Variants in CADPS2 observed in about 807,000 individuals in gnomAD.
The protein encoded by CADPS2 is calcium-dependent secretion activator 2.
In CADPS2, 93 loss-of-function variants were observed where a neutral mutation model predicts 172.5. That is an observed-to-expected ratio of 0.54 (90% confidence interval 0.46 to 0.64). The LOEUF (loss-of-function observed/expected upper bound fraction) is 0.64, where lower values mean the gene tolerates loss of function less well. Ranked by LOEUF, CADPS2 falls within the 30% of genes least tolerant of loss-of-function variation. The probability of loss-of-function intolerance (pLI) is 0.00; values close to 1 mark genes in which losing one functional copy is unlikely to be tolerated. For missense variants in CADPS2, 1,420 were observed against 1,565.9 expected (o/e 0.91, Z 1.57); for synonymous variants, 546 against 555.2 (o/e 0.98, Z 0.23).
chr7:122,775,610 G>T (rs939821380), intron 1 of CADPS2, among the ~76,000 whole-genome samples: 3 of 152,114 alleles, frequency 2.0e-5, no homozygotes, highest in East Asian at 3.9e-4. Flanking sequence ...TGTACTTGTG[G>T]TTACCTTTAA....
intron 3 of CADPS2, among the ~76,000 whole-genome samples, chr7:122,656,586 A>G (rs1376542485): frequency 6.6e-6 from 1 of 152,134 alleles, no homozygotes; most frequent in African/African-American, 2.4e-5. Flanking sequence ...TAAAAGACTG[A>G]GATTTAATCA....
At chr7:122,702,464 T>G in intron 2 of CADPS2, 1 of 1,613,782 alleles carries the variant, frequency 6.2e-7, no homozygotes, top group South Asian at 1.1e-5. Context: ...GTCTGCCTGT[T>G]TGGGCCTGCT....
At position 122,469,989 on chromosome 7, in the gene CADPS2, A is replaced by G. The variant is rs1195851892; in HGVS notation, c.2186+1386T>C. On this transcript the variant is annotated intron_variant, in intron 14 of 29. Coordinates refer to ENST00000449022, the MANE Select transcript of CADPS2 (RefSeq NM_017954.11). ...ACTTTTTAAAACTGGAAAAAAGAAAAACATGGAGAATAAACAGATTTTTTG... is the reference window on the plus strand; with the variant it reads ...ACTTTTTAAAACTGGAAAAAAGAAAGACATGGAGAATAAACAGATTTTTTG... Among the ~76,000 whole-genome samples the G allele has an allele frequency of 2.0e-5, 3 of 152,316 alleles. No homozygotes were observed. In the East Asian group the frequency reaches 5.8e-4, roughly 29 times the overall value.
At chr7:122,363,788 T>C (rs961128000) in intron 25 of CADPS2, among the ~76,000 whole-genome samples, 1 of 152,146 alleles carries the variant, frequency 6.6e-6, no homozygotes, top group Non-Finnish European at 1.5e-5. Flanking sequence ...AAAATCACTA[T>C]CTGTGTCTAA....
At chr7:122,356,545 C>A (rs2039431781) in intron 27 of CADPS2, among the ~76,000 whole-genome samples, 1 of 152,104 alleles carries the variant, frequency 6.6e-6, no homozygotes, top group Admixed American at 6.6e-5. Flanking sequence ...ATGTACATCC[C>A]ACACTTAAGG....
At chr7:122,790,404 A>AT (rs1795045613) in intron 1 of CADPS2, among the ~76,000 whole-genome samples, 1 of 151,636 alleles carries the variant, frequency 6.6e-6, no homozygotes, top group African/African-American at 2.4e-5. Context: ...TTCTAAAAAA[A>AT]AAAAAAAAAA....
intron 3 of CADPS2, among the ~76,000 whole-genome samples, chr7:122,636,457 G>A (rs1418662217): frequency 7.9e-6 from 1 of 126,988 alleles, no homozygotes; most frequent in African/African-American, 2.9e-5. Context: ...GTTTCCACAA[G>A]AGATGTTTTT....
chr7:122,388,219 A>G (rs2043923540), intron 23 of CADPS2, among the ~76,000 whole-genome samples: 1 of 152,056 alleles, frequency 6.6e-6, no homozygotes, highest in Non-Finnish European at 1.5e-5. Context: ...CAGCACACAG[A>G]CACAGTACAT....
At chr7:122,766,918 G>A (rs533305735) in intron 1 of CADPS2, among the ~76,000 whole-genome samples, 10 of 152,002 alleles carry the variant, frequency 6.6e-5, no homozygotes, top group Non-Finnish European at 1.5e-5. Context: ...ATATGAGGTA[G>A]GAATAACAAT....
At chr7:122,789,305 A>G (rs960852397) in intron 1 of CADPS2, among the ~76,000 whole-genome samples, 1 of 152,166 alleles carries the variant, frequency 6.6e-6, no homozygotes, top group African/African-American at 2.4e-5. Context: ...CTGCCTTCCT[A>G]TCCTATCTCC....
intron 15 of CADPS2, among the ~76,000 whole-genome samples, chr7:122,443,798 A>G (rs2051728766): frequency 6.6e-6 from 1 of 151,102 alleles, no homozygotes; most frequent in South Asian, 2.1e-4. Flanking sequence ...TTGTACATTA[A>G]TATTTTTACT....
intron 3 of CADPS2, among the ~76,000 whole-genome samples, chr7:122,636,460 ATG>A (rs773868640): frequency 1.9e-4 from 21 of 108,158 alleles, no homozygotes; most frequent in African/African-American, 1.0e-4. Context: ...TCCACAAGAG[ATG>A]TTTTTTTTTT....
intron 1 of CADPS2, among the ~76,000 whole-genome samples, chr7:122,859,760 T>C (rs879288777): frequency 2.0e-5 from 3 of 152,122 alleles, no homozygotes; most frequent in Non-Finnish European, 2.9e-5. Flanking sequence ...CTTCTCCAGG[T>C]TACTTATAAT....
intron 1 of CADPS2, among the ~76,000 whole-genome samples, chr7:122,841,154 A>G (rs1810371083): frequency 6.6e-6 from 1 of 152,334 alleles, no homozygotes; most frequent in Non-Finnish European, 1.5e-5. Context: ...ATTTCTTGGA[A>G]TATTAGTCAA....
chr7:122,441,340 T>C (rs568617619), intron 16 of CADPS2, among the ~76,000 whole-genome samples, 172 bp downstream of exon 16: 9 of 152,186 alleles, frequency 5.9e-5, no homozygotes, highest in African/African-American at 2.2e-4. Flanking sequence ...TCAGGGAGAA[T>C]GAAGTGCTGT....
chr7:122,648,638 G>A (rs892869140), intron 3 of CADPS2, among the ~76,000 whole-genome samples: 1 of 152,092 alleles, frequency 6.6e-6, no homozygotes, highest in Admixed American at 6.6e-5. Flanking sequence ...GGTAAACACT[G>A]ACAATCCCTA....
At chr7:122,722,827 C>A (rs554515967) in intron 2 of CADPS2, among the ~76,000 whole-genome samples, 4 of 151,672 alleles carry the variant, frequency 2.6e-5, no homozygotes, top group African/African-American at 9.7e-5. Context: ...GGTACCAAAA[C>A]AGAGATATAG....
intron 6 of CADPS2, among the ~76,000 whole-genome samples, chr7:122,588,639 TTGA>T (rs1563787976): frequency 6.6e-6 from 1 of 151,984 alleles, no homozygotes; most frequent in Non-Finnish European, 1.5e-5. Context: ...TTTGGTAGCA[TTGA>T]TTCTGATATT....
intron 6 of CADPS2, among the ~76,000 whole-genome samples, chr7:122,592,587 C>A (rs1057004227): frequency 1.3e-5 from 2 of 152,016 alleles, no homozygotes; most frequent in Admixed American, 6.6e-5. Flanking sequence ...TGGAACCAAC[C>A]CAAATGTCCA....
Sources: allele counts gnomAD v4.1 joint callset (sites outside exome capture counted in the v4.1 genomes callset), GRCh38; gene constraint gnomAD v4.1.1; transcripts MANE v1.5; gene names NCBI Gene and HGNC (gene_info 2026-07-23, HGNC 2026-07-21).